Variants in GPM6A observed in about 807,000 individuals in gnomAD.
The protein encoded by GPM6A is neuronal membrane glycoprotein M6-a.
In GPM6A, 7 loss-of-function variants were observed where a neutral mutation model predicts 32.1. That is an observed-to-expected ratio of 0.22 (90% CI 0.12 to 0.41). The LOEUF is 0.41. Among genes scored for constraint, GPM6A ranks in the 10% least tolerant of loss-of-function variants. GPM6A has a pLI of 1.00. For synonymous variants in GPM6A, 130 were observed against 123.4 expected (o/e 1.05, Z -0.35); for missense variants, 235 against 347.2 (o/e 0.68, Z 2.57).
chr4:175,976,231 C>G lies in GPM6A; in HGVS notation c.-23+26078G>C, dbSNP rs116497961. Among the ~76,000 whole-genome samples the G allele has an allele frequency of 7.5e-3, 1,131 of 150,610 alleles. 18 individuals are homozygous for G. The highest frequency in any genetic ancestry group is 0.026 in the African/African-American group (1,061 of 41,026). ...CTGGAGTGCAGCTGCAAGCTGCACT[C>G]GGCTCACTGCAAGCTCCGCCTCCCA... On this transcript the variant is annotated intron_variant, in intron 1 of 7. Transcript: ENST00000280187.
At chr4:175,652,803 T>C (rs1741882901) in intron 3 of GPM6A, among the ~76,000 whole-genome samples, 1 of 152,138 alleles carries the variant, frequency 6.6e-6, no homozygotes, top group Non-Finnish European at 1.5e-5. Flanking sequence ...GGATGGATGA[T>C]AGACATTAGA....
At chr4:175,875,027 C>G (rs1310611650) in intron 1 of GPM6A, among the ~76,000 whole-genome samples, 1 of 152,150 alleles carries the variant, frequency 6.6e-6, no homozygotes, top group African/African-American at 2.4e-5. Flanking sequence ...ATTACAAAAG[C>G]TGTAGAGGAT....
At chr4:175,841,268 A>C (rs1423478834) in intron 1 of GPM6A, among the ~76,000 whole-genome samples, 1 of 152,152 alleles carries the variant, frequency 6.6e-6, no homozygotes, top group Non-Finnish European at 1.5e-5. Flanking sequence ...AGTAACATAC[A>C]TTTTATAAGC....
rs1338877013 is a variant in GPM6A, at chr4:175,738,673, T to G, written c.38-36906A>C. Among the ~76,000 whole-genome samples, 4 of 152,136 alleles carry G rather than the reference T, an allele frequency of 2.6e-5. 1 individual carries two copies. In the South Asian group the frequency reaches 6.2e-4, roughly 24 times the overall value. ...ATGAAAAAAAATTTTTATAGAAATT[T>G]GAAAAATCTCTAAGCTTTGATAAAC... On this transcript the variant is annotated intron_variant, in intron 1 of 6. Coordinates refer to ENST00000393658, the MANE Select transcript of GPM6A (RefSeq NM_201591.3).
chr4:175,787,464 T>C, intron 1 of GPM6A: 8 of 1,496,582 alleles, frequency 5.3e-6, no homozygotes, highest in Non-Finnish European at 7.1e-6. Context: ...TTCTGAGATT[T>C]TTTCTAAATT....
At chr4:175,753,936 C>G (rs1192498195) in intron 1 of GPM6A, among the ~76,000 whole-genome samples, 1 of 152,092 alleles carries the variant, frequency 6.6e-6, no homozygotes, top group Non-Finnish European at 1.5e-5. Context: ...CATACCAACG[C>G]ACCAGGTAGG....
chr4:175,654,376 G>A (rs908655409), intron 3 of GPM6A: 2 of 152,036 alleles, frequency 1.3e-5, no homozygotes, highest in Admixed American at 1.3e-4. Context: ...CTCTAAACTG[G>A]CTTCACATGC....
At chr4:175,665,672 C>T (rs999507315) in intron 3 of GPM6A, among the ~76,000 whole-genome samples, 6 of 151,390 alleles carry the variant, frequency 4.0e-5, no homozygotes, top group East Asian at 2.0e-4. Context: ...ATCCCAGCTA[C>T]TCAGGAGGCT....
At chr4:175,853,057 A>G (rs764033993) in intron 1 of GPM6A, among the ~76,000 whole-genome samples, 10 of 152,242 alleles carry the variant, frequency 6.6e-5, no homozygotes, top group Non-Finnish European at 1.3e-4. Context: ...GGGAACTTGA[A>G]TCCCACAAAA....
chr4:175,697,104 C>T (rs1421315857), intron 2 of GPM6A, among the ~76,000 whole-genome samples: 1 of 151,932 alleles, frequency 6.6e-6, no homozygotes, highest in African/African-American at 2.4e-5. Flanking sequence ...AGAAGACCAC[C>T]CAAATACAGT....
intron 1 of GPM6A, among the ~76,000 whole-genome samples, chr4:175,704,339 G>T (rs559598390): frequency 1.3e-5 from 2 of 149,542 alleles, no homozygotes; most frequent in African/African-American, 2.5e-5. Context: ...ACACACACAC[G>T]TGCACGTGTG....
At chr4:175,705,731 T>C (rs1294166539) in intron 1 of GPM6A, among the ~76,000 whole-genome samples, 1 of 152,148 alleles carries the variant, frequency 6.6e-6, no homozygotes, top group East Asian at 1.9e-4. Context: ...TACCACGTTT[T>C]CACTGAACTG....
At chr4:175,809,778 G>A (rs191656052) in intron 1 of GPM6A, among the ~76,000 whole-genome samples, 194 of 152,286 alleles carry the variant, frequency 1.3e-3, no homozygotes, top group African/African-American at 4.5e-3. Context: ...TAAGACGGAT[G>A]ATCTTTTTAA....
At chr4:175,817,652 G>A (rs1203252075) in intron 1 of GPM6A, among the ~76,000 whole-genome samples, 2 of 152,206 alleles carry the variant, frequency 1.3e-5, no homozygotes, top group Non-Finnish European at 2.9e-5. Flanking sequence ...GGGAAAAAAG[G>A]GGGAGGCAGA....
chr4:175,889,257 AT>A (rs897988945), intron 1 of GPM6A, among the ~76,000 whole-genome samples: 4 of 152,212 alleles, frequency 2.6e-5, no homozygotes, highest in South Asian at 4.1e-4. Flanking sequence ...AATACAAACA[AT>A]TTTTTTAAGA....
intron 1 of GPM6A, among the ~76,000 whole-genome samples, chr4:175,772,755 A>C (rs904860880): frequency 3.3e-5 from 5 of 152,146 alleles, no homozygotes; most frequent in African/African-American, 1.2e-4. Context: ...GGGCTTCCAT[A>C]CTTTTTCTAC....
At chr4:175,991,756 A>T (rs1741151769) in intron 1 of GPM6A, among the ~76,000 whole-genome samples, 1 of 152,172 alleles carries the variant, frequency 6.6e-6, no homozygotes, top group African/African-American at 2.4e-5. Context: ...GTTATATTTT[A>T]TCAGATATGA....
chr4:175,874,305 A>T (rs1313078059), intron 1 of GPM6A, among the ~76,000 whole-genome samples: 1 of 152,228 alleles, frequency 6.6e-6, no homozygotes, highest in African/African-American at 2.4e-5. Flanking sequence ...TACAGAAAAC[A>T]AGAAGTCAGA....
chr4:175,789,968 C>A lies in GPM6A; in HGVS notation c.37+22223G>T, dbSNP rs554224774. On this transcript the variant is annotated intron_variant, in intron 1 of 6. Transcript: ENST00000393658. ...TTGTTCTGAGTAATATCAGAATTATCTCTAATAACATCCTTAATACTGTAA... is the reference window on the plus strand; with the variant it reads ...TTGTTCTGAGTAATATCAGAATTATATCTAATAACATCCTTAATACTGTAA... 2.0e-5 allele frequency among the ~76,000 whole-genome samples: 3 copies of A among 152,262 alleles called. No homozygotes were observed. In the East Asian group the frequency reaches 5.8e-4, roughly 29 times the overall value.
Sources: allele counts gnomAD v4.1 joint callset (sites outside exome capture counted in the v4.1 genomes callset), GRCh38; gene constraint gnomAD v4.1.1; transcripts MANE v1.5; gene names NCBI Gene and HGNC (gene_info 2026-07-23, HGNC 2026-07-21).